The following TBC1D31 variants were observed in gnomAD, a reference collection of about 807,000 sequenced individuals.
The protein encoded by TBC1D31 is TBC1 domain family member 31.
Under a neutral mutation model 132.9 loss-of-function variants are expected in TBC1D31, and 99 were observed. The observed-to-expected ratio is 0.74, with a 90% confidence interval of 0.63 to 0.88. The LOEUF (loss-of-function observed/expected upper bound fraction) is 0.88. Among genes scored for constraint, TBC1D31 ranks in the 40% least tolerant of loss-of-function variants. TBC1D31 has a pLI of 0.00. For synonymous variants in TBC1D31, 385 were observed against 419.4 expected (o/e 0.92, Z 1.00); for missense variants, 1,134 against 1,256.6 (o/e 0.90, Z 1.48).
intron 21 of TBC1D31, 78 bp downstream of exon 21, chr8:123,150,206 T>C: frequency 9.0e-7 from 1 of 1,114,452 alleles, no homozygotes; most frequent in Non-Finnish European, 1.3e-6. Context: ...GCTTAAATTA[T>C]ATTTATAGCA....
chr8:123,149,092 T>A (rs913697182), intron 20 of TBC1D31, among the ~76,000 whole-genome samples: 11 of 152,258 alleles, frequency 7.2e-5, no homozygotes, highest in Non-Finnish European at 1.5e-4. Flanking sequence ...TCAATCTGCT[T>A]TTTCTTTTCT....
Position 123,139,410 on chromosome 8 carries a change from C to T in TBC1D31, c.2500-1351C>T, listed in dbSNP as rs558230380. 3.0e-4 allele frequency among the ~76,000 whole-genome samples: 45 copies of T among 152,240 alleles called. No individual in the cohort carries two copies. The South Asian group carries it at 3.9e-3, about 13-fold the overall frequency. ...ACTTTTCTGAACTAATTTTGAAAGT[C>T]CCTATTCTTTGTTGTATATAACCAC... is the stretch of plus-strand genomic sequence containing the variant. On this transcript the variant is annotated intron_variant, in intron 17 of 21. Transcript: ENST00000287380.
chr8:123,120,035 C>A lies in TBC1D31; in HGVS notation c.1437-20C>A. On this transcript the variant is annotated intron_variant, in intron 10 of 21. Coordinates refer to ENST00000287380, the MANE Select transcript of TBC1D31 (RefSeq NM_145647.4). ...TTATTTATTCAAATAAATTTTAATG[C>A]TAAGTTATTTTATTCACAGAACCTT... 1 of 1,540,794 alleles carries A rather than the reference C, an allele frequency of 6.5e-7. No homozygotes were observed. Among genetic ancestry groups the A allele is most frequent in the African/African-American group, 1.4e-5 (1 of 72,010 alleles).
At chr8:123,086,554 ACT>A (rs1308182544) in intron 4 of TBC1D31, among the ~76,000 whole-genome samples, 1 of 150,854 alleles carries the variant, frequency 6.6e-6, no homozygotes, top group Non-Finnish European at 1.5e-5. Context: ...TGCCCCGGTC[ACT>A]CTTCCTCCTC....
intron 10 of TBC1D31, among the ~76,000 whole-genome samples, chr8:123,110,907 A>G (rs529655089): frequency 6.6e-5 from 10 of 152,350 alleles, no homozygotes; most frequent in Non-Finnish European, 1.3e-4. Context: ...ATTAATCTAT[A>G]GACTCTGATA....
chr8:123,091,546 A>G (rs1337550067), intron 4 of TBC1D31, among the ~76,000 whole-genome samples: 1 of 152,212 alleles, frequency 6.6e-6, no homozygotes. Context: ...AAAGTGAGCC[A>G]AGGAAGAAGG....
rs1821777935 is a variant in TBC1D31 at position 123,142,286 on chromosome 8, G to A, written c.2665G>A (p.Ala889Thr). ...QKVIKENLAKAEQACLNTDWQ... is the reference protein window; with the variant it reads ...QKVIKENLAKTEQACLNTDWQ... ...GGTGATTAAAGAAAATTTGGCAAAG[G>A]CTGAACAAGCATGCCTAAATACCGA... The change falls in exon 19 of 22, where the codon GCT (alanine) becomes ACT (threonine). Residue 889 changes from alanine (A) to threonine (T), a missense_variant. Coordinates refer to ENST00000287380, the MANE Select transcript of TBC1D31 (RefSeq NM_145647.4). 6.3e-7 allele frequency: 1 copy of A among 1,577,104 alleles called. No homozygotes were observed. The highest frequency in any genetic ancestry group is 8.6e-7 in the Non-Finnish European group (1 of 1,166,470).
intron 7 of TBC1D31, chr8:123,102,980 A>G (rs908729157): frequency 4.6e-5 from 7 of 152,248 alleles, no homozygotes; most frequent in African/African-American, 1.4e-4. Flanking sequence ...TTATAGTGCT[A>G]AGCTGTGAGT....
Position 123,140,863 on chromosome 8 carries a change from A to G in TBC1D31, c.2602A>G (p.Ile868Val), listed in dbSNP as rs745630080. Residue 868 changes from isoleucine to valine, a missense_variant, in exon 18 of 22, where the codon ATA becomes GTA. Coordinates refer to ENST00000287380, the MANE Select transcript of TBC1D31 (RefSeq NM_145647.4). The stretch of plus-strand genomic sequence containing the variant: ...TGAAGAACACATGTTTCATAAGCTG[A>G]TAGAAGCAGGTGAAACCCAGAGCCA... ...DLEEHMFHKL[I>V]EAGETQSQKT... is the part of the protein sequence containing the mutation. 7 of 1,613,920 alleles carry G rather than the reference A, an allele frequency of 4.3e-6. No homozygotes were observed. Among genetic ancestry groups the G allele is most frequent in the Non-Finnish European group, 5.9e-6 (7 of 1,179,920 alleles).
At position 123,072,860 on chromosome 8, in the gene TBC1D31, C is replaced by A. The variant is rs763593130; in HGVS notation, c.77+14C>A. The A allele has an allele frequency of 7.1e-6, 11 of 1,554,350 alleles. No individual in the cohort carries two copies. Among genetic ancestry groups the A allele is most frequent in the Non-Finnish European group, 9.6e-6 (11 of 1,148,988 alleles). On this transcript the variant is annotated intron_variant, in intron 1 of 21. Transcript: ENST00000287380. ...CACGCGGGACGGGTAAAGGCCGTGGCGGGAGGGCGCGGGCTGTGGAGGGGA... is the reference window on the plus strand; with the variant it reads ...CACGCGGGACGGGTAAAGGCCGTGGAGGGAGGGCGCGGGCTGTGGAGGGGA...
At position 123,100,936 on chromosome 8, in the gene TBC1D31, A is replaced by T. The variant is rs547684677; in HGVS notation, c.961A>T (p.Ile321Phe). 12 of 1,613,964 alleles carry T rather than the reference A, an allele frequency of 7.4e-6. No individual in the cohort carries two copies. The highest frequency in any genetic ancestry group is 1.0e-5 in the Non-Finnish European group (12 of 1,179,976). Residue 321 changes from isoleucine (I) to phenylalanine (F), a missense_variant, in exon 7 of 22, where the codon ATT becomes TTT. Transcript: ENST00000287380. ...SSAISPHGRY[I>F]ASIMENGSLN... ...AGCAATTAGCCCACATGGACGGTACATTGCATCTATTATGGAAAATGGAAG... is the reference window on the plus strand; with the variant it reads ...AGCAATTAGCCCACATGGACGGTACTTTGCATCTATTATGGAAAATGGAAG...
At chr8:123,084,416 T>G in intron 4 of TBC1D31, 76 bp downstream of exon 4, 1 of 1,362,436 alleles carries the variant, frequency 7.3e-7, no homozygotes. Flanking sequence ...ATAGATGATA[T>G]AAGAGTAATG....
chr8:123,075,493 A>G (rs1034246607), intron 1 of TBC1D31, among the ~76,000 whole-genome samples: 3 of 152,100 alleles, frequency 2.0e-5, no homozygotes, highest in African/African-American at 4.8e-5. Context: ...CACGAGGTCA[A>G]AAGTTTGAGA....
intron 7 of TBC1D31, chr8:123,102,120 TG>T: frequency 2.4e-6 from 1 of 409,192 alleles, no homozygotes; most frequent in Non-Finnish European, 4.9e-6. Context: ...TTCTCTTCTC[TG>T]GTTATCTAAA....
At chr8:123,130,662 C>T (rs1365568245) in intron 16 of TBC1D31, among the ~76,000 whole-genome samples, 1 of 147,502 alleles carries the variant, frequency 6.8e-6, no homozygotes, top group East Asian at 2.0e-4. Flanking sequence ...TGCTCTGTTG[C>T]CCAGGCTGGA....
rs1367766430 is a variant in TBC1D31 at position 123,093,571 on chromosome 8, CTT to C, written c.520-18_520-17del. 4.5e-6 allele frequency: 7 copies of C among 1,559,034 alleles called. 1 individual carries two copies. The South Asian group carries it at 8.5e-5, about 19-fold the overall frequency. ...TATGTGAACCTTATGTGAAAACTAACTTTCTCTATTCCTCCTTAGGTTTTCTT... is the reference window on the plus strand; with the variant it reads ...TATGTGAACCTTATGTGAAAACTAACTCTCTATTCCTCCTTAGGTTTTCTT... On this transcript the variant is annotated intron_variant, in intron 4 of 21. Transcript: ENST00000287380.
the TBC1D31 span, among the ~76,000 whole-genome samples, chr8:123,157,308 G>A: frequency 2.0e-5 from 3 of 152,164 alleles, no homozygotes; most frequent in Admixed American, 6.5e-5. Context: ...GAGGCACCTA[G>A]TAAGGGTTTC....
Position 123,132,786 on chromosome 8 carries a change from CTTG to C in TBC1D31, c.2407-1325_2407-1323del, listed in dbSNP as rs1563743177. 4.6e-5 allele frequency among the ~76,000 whole-genome samples: 7 copies of C among 152,198 alleles called. No individual in the cohort carries two copies. The South Asian group carries it at 1.5e-3, about 32-fold the overall frequency. On this transcript the variant is annotated intron_variant, in intron 16 of 21. Coordinates refer to ENST00000287380, the MANE Select transcript of TBC1D31 (RefSeq NM_145647.4). The stretch of plus-strand genomic sequence containing the variant: ...ATGATACTTCTTGTTTTGTTTAAAG[CTTG>C]TTAATTTTAAATTGGTTTTCAAAAT...
chr8:123,097,599 A>C, intron 6 of TBC1D31, 158 bp downstream of exon 6: 4 of 848,418 alleles, frequency 4.7e-6, no homozygotes, highest in Non-Finnish European at 6.7e-6. Flanking sequence ...ATTGAAAAAA[A>C]TTTCAAAATC....
Sources: gnomAD v4.1 joint callset for allele counts (sites outside exome capture counted in the v4.1 genomes callset) on GRCh38, gnomAD v4.1.1 for gene constraint, MANE v1.5 for transcripts, NCBI Gene and HGNC (gene_info 2026-07-23, HGNC 2026-07-21) for gene names.